Variants in MGLL observed in about 807,000 individuals in gnomAD.
The protein encoded by MGLL is lysophospholipase homolog.
A neutral mutation model predicts 29.1 loss-of-function variants in MGLL; 7 were observed. The observed-to-expected ratio is 0.24, with a 90% CI of 0.14 to 0.45. The LOEUF is 0.45. MGLL is among the 20% of genes least tolerant of loss of function. The pLI is 0.99. For missense variants in MGLL, 356 were observed against 413.6 expected (o/e 0.86, Z 1.21); for synonymous variants, 148 against 168.3 (o/e 0.88, Z 0.93).
chr3:127,787,765 T>C (rs1382930318), intron 2 of MGLL, among the ~76,000 whole-genome samples: 3 of 152,254 alleles, frequency 2.0e-5, no homozygotes, highest in African/African-American at 7.2e-5. Flanking sequence ...CTCATTCGAC[T>C]GGATCCCTCA....
In MGLL at chr3:127,761,183, C is replaced by T. The variant is rs555860676; in HGVS notation, c.262+20606G>A. 1.3e-5 allele frequency among the ~76,000 whole-genome samples: 2 copies of T among 152,354 alleles called. No homozygotes were observed. The highest frequency in any genetic ancestry group is 3.9e-4 in the East Asian group (2 of 5,190). On this transcript the variant is annotated intron_variant, in intron 3 of 7. Transcript: ENST00000265052. This position sits in a 1 kb window ranked among gnomAD's most constrained non-coding sequence, Gnocchi z 4.6. The stretch of plus-strand genomic sequence containing the variant: ...GGCCCCAGTTGCTGTGTTCAGATAA[C>T]GTACAATTCCCTGTGGCCATCCGGA...
intron 2 of MGLL, among the ~76,000 whole-genome samples, chr3:127,797,333 G>A (rs1237521791): frequency 6.6e-6 from 1 of 151,812 alleles, no homozygotes; most frequent in Non-Finnish European, 1.5e-5. Context: ...AAAAAAAAAT[G>A]TTCCTGAGGC....
intron 3 of MGLL, among the ~76,000 whole-genome samples, chr3:127,748,198 C>T (rs914052433): frequency 6.6e-6 from 1 of 152,128 alleles, no homozygotes; most frequent in African/African-American, 2.4e-5. Flanking sequence ...TAAAAGCATG[C>T]CTACCCAGAC....
intron 3 of MGLL, among the ~76,000 whole-genome samples, chr3:127,726,318 AAGAG>A (rs2076045981): frequency 6.7e-6 from 1 of 149,972 alleles, no homozygotes; most frequent in African/African-American, 2.5e-5. Context: ...GAGAGAAAGA[AAGAG>A]AAAGAAAGAA....
At chr3:127,749,598 T>C (rs1386929473) in intron 3 of MGLL, among the ~76,000 whole-genome samples, 1 of 152,166 alleles carries the variant, frequency 6.6e-6, no homozygotes, top group East Asian at 1.9e-4. Flanking sequence ...GCAGTGGACA[T>C]TGCACCCCTC....
intron 5 of MGLL, among the ~76,000 whole-genome samples, chr3:127,714,950 C>T (rs1484510750): frequency 6.6e-6 from 1 of 152,198 alleles, no homozygotes; most frequent in Non-Finnish European, 1.5e-5. Flanking sequence ...ATCCCAACAT[C>T]CCAGGGCCTC....
At chr3:127,703,887 C>A (rs1439476958) in intron 6 of MGLL, among the ~76,000 whole-genome samples, 1 of 152,148 alleles carries the variant, frequency 6.6e-6, no homozygotes, top group Non-Finnish European at 1.5e-5. Flanking sequence ...ACAAACAACC[C>A]AATTAGGAAA....
intron 3 of MGLL, among the ~76,000 whole-genome samples, chr3:127,762,690 C>T (rs1156521301): frequency 3.3e-5 from 5 of 152,196 alleles, no homozygotes; most frequent in African/African-American, 9.7e-5. Context: ...CAGCCCACTG[C>T]TCTGTCAGGG....
At chr3:127,768,031 T>C (rs1490439664) in intron 3 of MGLL, among the ~76,000 whole-genome samples, 1 of 152,234 alleles carries the variant, frequency 6.6e-6, no homozygotes, top group Non-Finnish European at 1.5e-5. Context: ...TATGGACAAG[T>C]GTATGCCAAT....
chr3:127,704,039 A>C (rs2075550210), intron 6 of MGLL, among the ~76,000 whole-genome samples: 1 of 152,204 alleles, frequency 6.6e-6, no homozygotes, highest in Admixed American at 6.5e-5. Flanking sequence ...ACATATAACC[A>C]ATGGAACAGA....
intron 2 of MGLL, among the ~76,000 whole-genome samples, chr3:127,801,174 C>A (rs897069444): frequency 1.3e-5 from 2 of 151,262 alleles, no homozygotes; most frequent in Non-Finnish European, 2.9e-5. Flanking sequence ...TGATGGCAAG[C>A]GCCTGTAATC....
At chr3:127,823,114 C>G (rs1283405152), upstream of MGLL, 2 of 152,034 alleles carry the variant, frequency 1.3e-5, no homozygotes, top group African/African-American at 2.4e-5. Flanking sequence ...TCGCGTTCCC[C>G]GAGCGCAGCG....
intron 3 of MGLL, among the ~76,000 whole-genome samples, chr3:127,745,786 C>G (rs568682455): frequency 2.0e-5 from 3 of 152,298 alleles, no homozygotes; most frequent in East Asian, 3.9e-4. Context: ...TCAGGCCACA[C>G]AGGCTTTCCC....
At chr3:127,735,128 G>A (rs1013844360) in intron 3 of MGLL, among the ~76,000 whole-genome samples, 3 of 152,218 alleles carry the variant, frequency 2.0e-5, no homozygotes, top group African/African-American at 7.2e-5. Context: ...CTTTGTTTTA[G>A]GAGCAGAAAG....
intron 2 of MGLL, among the ~76,000 whole-genome samples, chr3:127,802,171 C>A (rs546749688): frequency 2.0e-5 from 3 of 152,182 alleles, no homozygotes; most frequent in Non-Finnish European, 4.4e-5. Flanking sequence ...CCGCTCCATA[C>A]CACACAGCAC....
chr3:127,753,970 C>T (rs1407066915), intron 3 of MGLL, among the ~76,000 whole-genome samples: 2 of 152,238 alleles, frequency 1.3e-5, no homozygotes, highest in African/African-American at 4.8e-5. Context: ...TCACTTCCTC[C>T]CACCAGCCTC....
intron 3 of MGLL, among the ~76,000 whole-genome samples, chr3:127,776,994 G>A (rs907958158): frequency 1.1e-4 from 16 of 150,826 alleles, no homozygotes; most frequent in Admixed American, 3.9e-4. Context: ...TAGTTCCCAC[G>A]CAGGATAATA....
At chr3:127,804,999 C>G (rs532462131) in intron 2 of MGLL, among the ~76,000 whole-genome samples, 1 of 152,336 alleles carries the variant, frequency 6.6e-6, no homozygotes, top group African/African-American at 2.4e-5. Context: ...CAGTATGGAG[C>G]TCTTTTTAAA....
chr3:127,726,173 AAAG>A (rs1559926249), intron 3 of MGLL, among the ~76,000 whole-genome samples: 1,358 of 36,702 alleles, frequency 0.037, 21 homozygotes, highest in Middle Eastern at 0.11. Flanking sequence ...AGAAAGAAAG[AAAG>A]AAAGAAAGAA....
Sources: allele counts gnomAD v4.1 joint callset (sites outside exome capture counted in the v4.1 genomes callset), GRCh38; gene constraint gnomAD v4.1.1; non-coding constraint Gnocchi (gnomAD v3.1); transcripts MANE v1.5; gene names NCBI Gene and HGNC (gene_info 2026-07-23, HGNC 2026-07-21).